The following RNF41 variants were observed in gnomAD, a reference collection of about 807,000 sequenced individuals.
RNF41 encodes E3 ubiquitin-protein ligase NRDP1.
A neutral mutation model predicts 33.0 loss-of-function variants in RNF41; 4 were observed. That is an observed-to-expected ratio of 0.12 (90% confidence interval 0.06 to 0.28). The LOEUF (loss-of-function observed/expected upper bound fraction) is 0.28, where lower values mean the gene tolerates loss of function less well. Among genes scored for constraint, RNF41 ranks in the 10% least tolerant of loss-of-function variants. RNF41 has a pLI of 1.00. For synonymous variants in RNF41, 164 were observed against 153.2 expected (o/e 1.07, Z -0.52); for missense variants, 228 against 432.6 (o/e 0.53, Z 4.19).
intron 1 of RNF41, among the ~76,000 whole-genome samples, chr12:56,221,085 T>C (rs893983360): frequency 1.3e-5 from 2 of 152,068 alleles, no homozygotes; most frequent in African/African-American, 4.8e-5. Flanking sequence ...AGTCTGTCAA[T>C]CCCTCAAGCA....
chr12:56,221,138 C>T (rs1869382253), intron 1 of RNF41, among the ~76,000 whole-genome samples: 1 of 152,152 alleles, frequency 6.6e-6, no homozygotes, highest in Non-Finnish European at 1.5e-5. Context: ...TCCTCTAGCC[C>T]CCTCCTCCCC....
Position 56,206,442 on chromosome 12 carries a change from T to G in RNF41, c.*5A>C. On this transcript the variant is annotated 3_prime_UTR_variant, in exon 7 of 7. Transcript: ENST00000345093. The surrounding 1 kb of genome is among the most constrained non-coding windows in gnomAD (Gnocchi z 5.7). ...CATCTCTTCCTGATAGCCAGTCGAG[T>G]TCTCTTATATCTCTTCCACGCCATG... The G allele has an allele frequency of 6.3e-7, 1 of 1,596,642 alleles. No homozygotes were observed. The highest frequency in any genetic ancestry group is 8.6e-7 in the Non-Finnish European group (1 of 1,168,632).
Position 56,210,432 on chromosome 12 carries a change from A to G in RNF41, c.227T>C (p.Leu76Ser), listed in dbSNP as rs1309144190. ...RPVPRIMRNM[L>S]SKLQIACDNA... ...GTCACAGGCAATCTGCAGCTTTGAC[A>G]ACATGTTCCGCATGATCCGAGGTAC... Residue 76 changes from leucine to serine, a missense_variant, in exon 4 of 7, where the codon TTG (leucine) becomes TCG (serine). By Grantham distance (145) the Leu-to-Ser change is moderately radical (BLOSUM62 -2). Around this residue, in one of 2 missense-constraint regions of RNF41, gnomAD observed 199 missense variants for 334.6 expected, o/e 0.59. Transcript: ENST00000345093. 1 of 1,614,222 alleles carries G rather than the reference A, an allele frequency of 6.2e-7. No homozygotes were observed.
chr12:56,207,742 T>C lies in RNF41; in HGVS notation c.506A>G (p.Asp169Gly). Reference sequence around the variant, plus strand: ...CATGTATGCCTTTAGCAGCTGGATGTCTCGCTTCTGTTGTGGGGAAGAAGA... The same window carrying C: ...CATGTATGCCTTTAGCAGCTGGATGCCTCGCTTCTGTTGTGGGGAAGAAGA... ...HKHQLAEQKR[D>G]IQLLKAYMRA... Residue 169 changes from aspartate to glycine, a missense_variant, in exon 6 of 7, where the codon GAC (aspartate) becomes GGC (glycine). Physicochemically the swap from Asp to Gly is moderately conservative, Grantham distance 94. This residue lies in a region of RNF41 where 199 missense variants were observed against 334.6 expected (regional missense o/e 0.59). Coordinates refer to ENST00000345093, the MANE Select transcript of RNF41 (RefSeq NM_005785.4). 3 of 1,613,600 alleles carry C rather than the reference T, an allele frequency of 1.9e-6. No homozygotes were observed. The highest frequency in any genetic ancestry group is 2.5e-6 in the Non-Finnish European group (3 of 1,179,474).
At chr12:56,214,707 T>C (rs905943329) in intron 2 of RNF41, among the ~76,000 whole-genome samples, 3 of 151,062 alleles carry the variant, frequency 2.0e-5, no homozygotes, top group Non-Finnish European at 2.9e-5. Flanking sequence ...TGCACATCTG[T>C]AATCCCAGCT....
chr12:56,210,217 CT>C, intron 4 of RNF41, 79 bp downstream of exon 4: 1 of 1,476,872 alleles, frequency 6.8e-7, no homozygotes, highest in Admixed American at 1.8e-5. Context: ...ACCTCCTCAG[CT>C]AGTGAGGAGG....
chr12:56,213,714 A>T (rs1271463424), intron 3 of RNF41, among the ~76,000 whole-genome samples: 1 of 152,126 alleles, frequency 6.6e-6, no homozygotes, highest in African/African-American at 2.4e-5. Flanking sequence ...TTACAGGAGA[A>T]ATCTTTCAGA....
chr12:56,215,807 G>A (rs1004737613), intron 2 of RNF41, among the ~76,000 whole-genome samples: 4 of 151,522 alleles, frequency 2.6e-5, no homozygotes, highest in Admixed American at 2.0e-4. Flanking sequence ...GGCTCCCAAA[G>A]GTCAAACCCA....
At chr12:56,208,933 C>T (rs1868334881) in intron 4 of RNF41, among the ~76,000 whole-genome samples, 1 of 149,032 alleles carries the variant, frequency 6.7e-6, no homozygotes, top group Non-Finnish European at 1.5e-5. Flanking sequence ...GGCACGGTCT[C>T]AGCTCACTGC....
intron 4 of RNF41, chr12:56,210,018 T>G: frequency 2.2e-6 from 1 of 448,188 alleles, no homozygotes. Flanking sequence ...GAAAGTAGTA[T>G]TGGACTGAAA....
chr12:56,215,119 T>A (rs1868775326), intron 2 of RNF41, among the ~76,000 whole-genome samples: 1 of 152,056 alleles, frequency 6.6e-6, no homozygotes, highest in Admixed American at 6.6e-5. Flanking sequence ...GAAGAGGGCA[T>A]ATGATAGGTT....
Position 56,217,284 on chromosome 12 carries a change from C to T in RNF41, c.-208-671G>A, listed in dbSNP as rs373926632. The stretch of plus-strand genomic sequence containing the variant: ...CATAGATCCAGGTTGCGATGGCTCA[C>T]GCCTGTGATCCCAGCACTTTGGGAG... On this transcript the variant is annotated intron_variant, in intron 1 of 6. Transcript: ENST00000345093. 9.2e-5 allele frequency among the ~76,000 whole-genome samples: 14 copies of T among 152,178 alleles called. No homozygotes were observed. In the East Asian group the frequency reaches 1.5e-3, roughly 17 times the overall value.
Position 56,203,174 on chromosome 12 carries a change from C to T in RNF41, c.*3273G>A, listed in dbSNP as rs1203016432. 5.3e-5 allele frequency: 2 copies of T among 37,482 alleles called. No homozygotes were observed. Among genetic ancestry groups the T allele is most frequent in the Non-Finnish European group, 3.5e-4 (1 of 2,840 alleles). The allele number at this position is 37,482 out of a possible 1,614,324, so 2.3% of individuals were successfully genotyped here. A position where few individuals can be genotyped will look rare whatever the true frequency, so the allele number is the denominator to read the frequency against. On this transcript the variant is annotated 3_prime_UTR_variant, in exon 7 of 7. Transcript: ENST00000345093. ...CTTCTGGGAGGAGGAAAAGATATCC[C>T]TTTTTCTTTTCTTTTCTTTTTTTTT...
At chr12:56,219,624 C>T (rs574580817) in intron 1 of RNF41, among the ~76,000 whole-genome samples, 20 of 131,882 alleles carry the variant, frequency 1.5e-4, no homozygotes, top group Non-Finnish European at 6.7e-5. Flanking sequence ...CTGCGCCCGG[C>T]GTAATATAAG....
At position 56,216,409 on chromosome 12, in the gene RNF41, T is replaced by A. The variant is rs1264620704; in HGVS notation, c.-24+20A>T. The A allele has an allele frequency of 2.0e-5, 3 of 152,158 alleles. No individual in the cohort carries two copies. The highest frequency in any genetic ancestry group is 4.4e-5 in the Non-Finnish European group (3 of 68,034). The allele number at this position is 152,158 out of a possible 1,614,324, so 9.4% of individuals were successfully genotyped here. On this transcript the variant is annotated intron_variant, in intron 2 of 6. Transcript: ENST00000345093. Reference sequence around the variant, plus strand: ...AGAGGGTTGAGGCCTGGAATGGGATTCTGAATCAAAGCTCTTTACCTTCCA... The same window carrying A: ...AGAGGGTTGAGGCCTGGAATGGGATACTGAATCAAAGCTCTTTACCTTCCA...
intron 3 of RNF41, chr12:56,213,217 T>G: frequency 9.8e-7 from 1 of 1,019,300 alleles, no homozygotes; most frequent in Non-Finnish European, 1.3e-6. Flanking sequence ...TTTTTTTTTT[T>G]TGAGATGGAG....
At position 56,206,235 on chromosome 12, in the gene RNF41, T is replaced by C. The variant is rs1365621044; in HGVS notation, c.*212A>G. On this transcript the variant is annotated 3_prime_UTR_variant, in exon 7 of 7. Transcript: ENST00000345093. This position sits in a 1 kb window ranked among gnomAD's most constrained non-coding sequence, Gnocchi z 5.7. ...CCAGACTGATAATTTATAGACATTT[T>C]AGGGGAATATGGCAAAGGGAGGAAA... is the stretch of plus-strand genomic sequence containing the variant. The C allele has an allele frequency of 5.4e-6, 3 of 557,678 alleles. No homozygotes were observed. The highest frequency in any genetic ancestry group is 3.8e-5 in the African/African-American group (2 of 53,224). 34.5% of individuals were successfully genotyped at this position (557,678 alleles called of 1,614,324 possible). A position where few individuals can be genotyped will look rare whatever the true frequency, so the allele number is the denominator to read the frequency against.
chr12:56,214,327 C>A (rs1868695728), intron 2 of RNF41, among the ~76,000 whole-genome samples: 2 of 151,546 alleles, frequency 1.3e-5, no homozygotes, highest in Admixed American at 6.6e-5. Context: ...TCAAGACCAG[C>A]CTGGCCAACA....
Position 56,209,746 on chromosome 12 carries a change from C to T in RNF41, c.362+551G>A, listed in dbSNP as rs375476574. On this transcript the variant is annotated intron_variant, in intron 4 of 6. Coordinates refer to ENST00000345093, the MANE Select transcript of RNF41 (RefSeq NM_005785.4). ...TGCTGGGATTACAGGCGTGAGCCAC[C>T]GCGCCCGGCCCCACACCTGGCTAAT... Among the ~76,000 whole-genome samples, 7 of 152,192 alleles carry T rather than the reference C, an allele frequency of 4.6e-5. No homozygotes were observed. The East Asian group carries it at 5.8e-4, about 13-fold the overall frequency.
Sources: allele counts gnomAD v4.1 joint callset (sites outside exome capture counted in the v4.1 genomes callset), GRCh38; gene constraint gnomAD v4.1.1; regional missense constraint gnomAD v4.1.1; non-coding constraint Gnocchi (gnomAD v3.1); transcripts MANE v1.5; gene names NCBI Gene and HGNC (gene_info 2026-07-23, HGNC 2026-07-21).